TEX14: variants seen among roughly 807,000 people sequenced by gnomAD.
The protein encoded by TEX14 is testis expressed 14, intercellular bridge forming factor, also known as inactive serine/threonine-protein kinase TEX14.
A neutral mutation model predicts 178.6 loss-of-function variants in TEX14; 168 were observed. The ratio of observed to expected loss-of-function variants is 0.94; its 90% CI spans 0.83 to 1.07. TEX14 has a LOEUF of 1.07. Ranked by LOEUF, TEX14 falls within the 50% of genes least tolerant of loss-of-function variation. The pLI, the probability that TEX14 is intolerant of heterozygous loss-of-function variation, is 0.00. For synonymous variants in TEX14, 626 were observed against 634.1 expected, an observed-to-expected ratio of 0.99 and a Z score of 0.19; for missense variants, 1,730 against 1,753.6, an observed-to-expected ratio of 0.99 and a Z score of 0.24.
chr17:58,657,190 G>A (rs1414877558), intron 1 of TEX14, among the ~76,000 whole-genome samples: 1 of 151,686 alleles, frequency 6.6e-6, no homozygotes, highest in Non-Finnish European at 1.5e-5. Context: ...GGCTGATCTC[G>A]AACTCCTGGG....
chr17:58,592,080 GAA>G (rs971568922), intron 15 of TEX14, among the ~76,000 whole-genome samples: 1 of 147,280 alleles, frequency 6.8e-6, no homozygotes, highest in South Asian at 2.1e-4. Context: ...AAAAAAGAAA[GAA>G]AAAAAAATTA....
At chr17:58,581,434 T>C (rs114507411) in intron 19 of TEX14, among the ~76,000 whole-genome samples, 1,741 of 152,268 alleles carry the variant, frequency 0.011, 28 homozygotes, top group African/African-American at 0.039. Flanking sequence ...AATTTTCAGA[T>C]GTTTTTCAAA....
At chr17:58,570,168 A>T (rs1598345991) in intron 25 of TEX14, among the ~76,000 whole-genome samples, 1 of 35,572 alleles carries the variant, frequency 2.8e-5, no homozygotes, top group South Asian at 9.8e-4. Flanking sequence ...AAAGATATGC[A>T]AAAAAAAAAG....
intron 14 of TEX14, among the ~76,000 whole-genome samples, chr17:58,598,292 C>A: frequency 7.4e-6 from 1 of 135,304 alleles, no homozygotes. Context: ...CCAGCCTGGG[C>A]AACAGGAACA....
At chr17:58,571,777 C>T in intron 24 of TEX14, 144 bp downstream of exon 24, 1 of 667,122 alleles carries the variant, frequency 1.5e-6, no homozygotes, top group South Asian at 1.9e-5. Flanking sequence ...AATATAGACT[C>T]AAGAGAGGAG....
chr17:58,681,196 C>T (rs545855823), intron 1 of TEX14, among the ~76,000 whole-genome samples: 2 of 152,204 alleles, frequency 1.3e-5, no homozygotes, highest in African/African-American at 4.8e-5. Flanking sequence ...TGAACCCAGG[C>T]TGCAGTGAGC....
chr17:58,607,084 G>A (rs2045627416), intron 10 of TEX14, among the ~76,000 whole-genome samples: 2 of 149,432 alleles, frequency 1.3e-5, no homozygotes, highest in African/African-American at 5.0e-5. Flanking sequence ...TTTATACCAA[G>A]AGATGGAATG....
intron 16 of TEX14, 38 bp downstream of exon 16, chr17:58,587,858 C>G (rs368189580): frequency 6.8e-5 from 85 of 1,256,486 alleles, no homozygotes; most frequent in South Asian, 4.3e-4. Context: ...CCCCCACCCC[C>G]GCTCCACCAC....
intron 26 of TEX14, 75 bp from the exon 27 acceptor site, chr17:58,565,899 T>C: frequency 8.5e-7 from 1 of 1,175,576 alleles, no homozygotes; most frequent in East Asian, 2.5e-5. Flanking sequence ...GCAGTGGTTC[T>C]CCAAGGGTGA....
intron 6 of TEX14, 77 bp downstream of exon 6, chr17:58,617,461 G>T: frequency 1.9e-6 from 2 of 1,059,298 alleles, no homozygotes; most frequent in Non-Finnish European, 2.9e-6. Context: ...GGCAGGAGTT[G>T]GACAAAGGTG....
chr17:58,651,223 A>T (rs1226123503), intron 2 of TEX14, among the ~76,000 whole-genome samples: 1 of 152,214 alleles, frequency 6.6e-6, no homozygotes, highest in Non-Finnish European at 1.5e-5. Context: ...GGCTGCAGTG[A>T]GCTGTGATCA....
chr17:58,634,860 G>T (rs1054689321), intron 2 of TEX14, among the ~76,000 whole-genome samples: 1 of 152,116 alleles, frequency 6.6e-6, no homozygotes, highest in African/African-American at 2.4e-5. Flanking sequence ...AGCCAGGCAT[G>T]GTGGCTCACG....
At chr17:58,623,602 A>G (rs1040940909) in intron 3 of TEX14, among the ~76,000 whole-genome samples, 1 of 152,190 alleles carries the variant, frequency 6.6e-6, no homozygotes, top group African/African-American at 2.4e-5. Context: ...ATGAAGGGAC[A>G]GCCTTTAATG....
intron 2 of TEX14, among the ~76,000 whole-genome samples, chr17:58,648,792 T>C (rs9898143): frequency 1.0e-3 from 138 of 136,300 alleles, no homozygotes; most frequent in South Asian, 2.9e-3. Flanking sequence ...TTTTCTTTTT[T>C]TTTTTTTTTT....
rs1415353092 is a variant in TEX14 at position 58,556,854 on chromosome 17, G to A, written c.*157C>T. 2 of 629,426 alleles carry A rather than the reference G, an allele frequency of 3.2e-6. No individual in the cohort carries two copies. Among genetic ancestry groups the A allele is most frequent in the Non-Finnish European group, 2.9e-6 (1 of 346,946 alleles). 39.0% of individuals were successfully genotyped at this position (629,426 alleles called of 1,614,324 possible). ...GGTTGAATGTGCTGCTAACAGAGAGGGCCAAACGATGATGTCTATTGTGGC... is the reference window on the plus strand; with the variant it reads ...GGTTGAATGTGCTGCTAACAGAGAGAGCCAAACGATGATGTCTATTGTGGC... On this transcript the variant is annotated 3_prime_UTR_variant, in exon 32 of 32. Coordinates refer to ENST00000349033, the MANE Select transcript of TEX14 (RefSeq NM_031272.5).
intron 10 of TEX14, among the ~76,000 whole-genome samples, chr17:58,608,311 G>A (rs2045660397): frequency 6.6e-6 from 1 of 152,080 alleles, no homozygotes; most frequent in African/African-American, 2.4e-5. Context: ...TGGCTACTTG[G>A]GAGGCTGAGG....
chr17:58,608,046 G>T (rs1158492914), intron 10 of TEX14, among the ~76,000 whole-genome samples: 1 of 152,210 alleles, frequency 6.6e-6, no homozygotes, highest in Non-Finnish European at 1.5e-5. Context: ...ACTTTGGGAG[G>T]CCAGGTCGGG....
At chr17:58,673,495 A>ATAAC (rs2047338130) in intron 1 of TEX14, among the ~76,000 whole-genome samples, 1 of 151,008 alleles carries the variant, frequency 6.6e-6, no homozygotes, top group African/African-American at 2.4e-5. Flanking sequence ...AAATAAATAA[A>ATAAC]TAAATAAATA....
At chr17:58,619,276 A>G (rs1216020247) in intron 5 of TEX14, among the ~76,000 whole-genome samples, 2 of 152,134 alleles carry the variant, frequency 1.3e-5, no homozygotes, top group African/African-American at 4.8e-5. Flanking sequence ...TCAGACCAAC[A>G]TTTCCTGCTC....
Sources: gnomAD v4.1 joint callset for allele counts (sites outside exome capture counted in the v4.1 genomes callset) on GRCh38, gnomAD v4.1.1 for gene constraint, MANE v1.5 for transcripts, NCBI Gene and HGNC (gene_info 2026-07-23, HGNC 2026-07-21) for gene names.